The following PALM2AKAP2 variants were observed in gnomAD, a reference collection of about 807,000 sequenced individuals.
PALM2AKAP2 encodes the protein PALM2-AKAP2 fusion protein.
Under a neutral mutation model 71.5 loss-of-function variants are expected in PALM2AKAP2, and 37 were observed. The observed-to-expected ratio is 0.52, with a 90% confidence interval of 0.40 to 0.68. PALM2AKAP2 has a LOEUF of 0.68. Among genes scored for constraint, PALM2AKAP2 ranks in the 30% least tolerant of loss-of-function variants. The pLI, the probability that PALM2AKAP2 is intolerant of heterozygous loss-of-function variation, is 0.00. For missense variants in PALM2AKAP2, 1,224 were observed against 1,191.8 expected, an observed-to-expected ratio of 1.03 and a Z score of -0.40; for synonymous variants, 468 against 478.8, an observed-to-expected ratio of 0.98 and a Z score of 0.29.
intron 2 of PALM2AKAP2, among the ~76,000 whole-genome samples, chr9:109,877,456 A>T (rs1378975697): frequency 6.6e-6 from 1 of 152,126 alleles, no homozygotes; most frequent in African/African-American, 2.4e-5. Context: ...AGATGTAAAA[A>T]GAAAGAATTT....
At chr9:110,045,619 G>C (rs953471642), upstream of PALM2AKAP2, among the ~76,000 whole-genome samples, 2 of 152,000 alleles carry the variant, frequency 1.3e-5, no homozygotes, top group African/African-American at 4.8e-5. Flanking sequence ...CCAGGCTGGA[G>C]TGCAGTGGTG....
intron 1 of PALM2AKAP2, among the ~76,000 whole-genome samples, chr9:109,808,745 G>C (rs1827645498): frequency 6.6e-6 from 1 of 152,238 alleles, no homozygotes; most frequent in South Asian, 2.1e-4. Flanking sequence ...AGGTCTTCAT[G>C]GCAGCCCCTC....
At chr9:109,833,825 G>C (rs1828377346) in intron 1 of PALM2AKAP2, among the ~76,000 whole-genome samples, 1 of 152,182 alleles carries the variant, frequency 6.6e-6, no homozygotes, top group Non-Finnish European at 1.5e-5. Context: ...CCCAAGTTGA[G>C]AGCCTCTGTC....
intron 7 of PALM2AKAP2, among the ~76,000 whole-genome samples, chr9:110,039,314 A>G: frequency 6.6e-6 from 1 of 152,374 alleles, no homozygotes; most frequent in East Asian, 1.9e-4. Flanking sequence ...GTGTTCATTT[A>G]GTACAGTATT....
At chr9:109,802,888 A>T (rs1200385027) in intron 1 of PALM2AKAP2, among the ~76,000 whole-genome samples, 2 of 152,228 alleles carry the variant, frequency 1.3e-5, no homozygotes, top group Non-Finnish European at 2.9e-5. Flanking sequence ...AGGAATGCTG[A>T]TGCAAAAGCA....
At chr9:110,137,775 T>G in exon 2 of PALM2AKAP2, 1 of 1,614,110 alleles carries the variant, frequency 6.2e-7, no homozygotes, top group Non-Finnish European at 8.5e-7. Flanking sequence ...ACCAATGCCC[T>G]CCAGGAAAAT....
At chr9:109,931,645 C>T (rs189977397) in intron 5 of PALM2AKAP2, among the ~76,000 whole-genome samples, 2 of 152,332 alleles carry the variant, frequency 1.3e-5, no homozygotes, top group African/African-American at 2.4e-5. Flanking sequence ...CCCCCCGTCC[C>T]TGAACTCATT....
intron 1 of PALM2AKAP2, among the ~76,000 whole-genome samples, chr9:110,091,228 C>T (rs1215934520): frequency 1.3e-5 from 2 of 151,938 alleles, no homozygotes; most frequent in African/African-American, 4.8e-5. Flanking sequence ...TGGAGCTGCA[C>T]GTGTGAGGTT....
intron 1 of PALM2AKAP2, among the ~76,000 whole-genome samples, chr9:110,071,205 C>T (rs1429454481): frequency 6.7e-6 from 1 of 148,298 alleles, no homozygotes; most frequent in East Asian, 2.0e-4. Flanking sequence ...CTGAAATTGC[C>T]ACTTTTATAG....
chr9:109,659,239 C>A (rs1342513116), intron 1 of PALM2AKAP2, among the ~76,000 whole-genome samples: 3 of 152,090 alleles, frequency 2.0e-5, no homozygotes, highest in Non-Finnish European at 4.4e-5. Flanking sequence ...ATTTAAATAC[C>A]ACACAATGAA....
At chr9:109,645,958 C>T (rs1279006528) in intron 1 of PALM2AKAP2, among the ~76,000 whole-genome samples, 2 of 151,924 alleles carry the variant, frequency 1.3e-5, no homozygotes, top group East Asian at 1.9e-4. Context: ...GTCTAATTTC[C>T]ACCTTAAGAG....
chr9:109,843,982 G>T (rs1174749633), intron 1 of PALM2AKAP2, among the ~76,000 whole-genome samples: 2 of 152,184 alleles, frequency 1.3e-5, no homozygotes, highest in Admixed American at 6.5e-5. Flanking sequence ...CGATTCTTTG[G>T]TTGGTCCTAG....
At chr9:109,782,177 G>A (rs868819565) in intron 1 of PALM2AKAP2, among the ~76,000 whole-genome samples, 7 of 152,166 alleles carry the variant, frequency 4.6e-5, no homozygotes, top group African/African-American at 1.2e-4. Context: ...TTCCAAGTGC[G>A]GTTGAGTAAT....
At chr9:109,707,393 C>A (rs896292271) in intron 1 of PALM2AKAP2, among the ~76,000 whole-genome samples, 3 of 152,140 alleles carry the variant, frequency 2.0e-5, no homozygotes, top group African/African-American at 7.2e-5. Flanking sequence ...GCTTTGAAGT[C>A]AGGCACTTCA....
intron 7 of PALM2AKAP2, chr9:110,025,427 T>A (rs1833163271): frequency 1.4e-6 from 1 of 691,672 alleles, no homozygotes; most frequent in African/African-American, 1.8e-5. Flanking sequence ...CTTCACAAGT[T>A]GATGGATTTT....
chr9:110,154,391 A>G (rs1836396893), intron 2 of PALM2AKAP2, among the ~76,000 whole-genome samples: 1 of 152,222 alleles, frequency 6.6e-6, no homozygotes, highest in African/African-American at 2.4e-5. Flanking sequence ...TAAGCCTTCA[A>G]TTAAAAAGTC....
intron 1 of PALM2AKAP2, among the ~76,000 whole-genome samples, chr9:110,084,509 G>T (rs929939350): frequency 6.6e-6 from 1 of 152,050 alleles, no homozygotes; most frequent in Non-Finnish European, 1.5e-5. Flanking sequence ...ACTATGGGGG[G>T]GTTGGTTCCA....
chr9:110,076,150 T>G (rs1424997192), intron 1 of PALM2AKAP2, among the ~76,000 whole-genome samples: 1 of 152,142 alleles, frequency 6.6e-6, no homozygotes, highest in Non-Finnish European at 1.5e-5. Context: ...CACCCTCTAA[T>G]CTGATAAAGC....
exon 4 of PALM2AKAP2, chr9:110,172,120 ATAAT>A (rs1836873506): frequency 6.5e-6 from 1 of 152,678 alleles, no homozygotes; most frequent in African/African-American, 2.4e-5. Flanking sequence ...CTGAAGACAA[ATAAT>A]TAAACCTTTT....
Sources: gnomAD v4.1 joint callset for allele counts (sites outside exome capture counted in the v4.1 genomes callset) on GRCh38, gnomAD v4.1.1 for gene constraint, MANE v1.5 for transcripts, NCBI Gene and HGNC (gene_info 2026-07-23, HGNC 2026-07-21) for gene names.